The following MEF2A variants were observed in gnomAD, a reference collection of about 807,000 sequenced individuals.
MEF2A encodes myocyte enhancer factor 2A.
In MEF2A, 28 loss-of-function variants were observed where a neutral mutation model predicts 55.8. The ratio of observed to expected loss-of-function variants is 0.50; its 90% confidence interval spans 0.37 to 0.69. The LOEUF (loss-of-function observed/expected upper bound fraction) is 0.69, where lower values mean the gene tolerates loss of function less well. Among genes scored for constraint, MEF2A ranks in the 30% least tolerant of loss-of-function variants. The pLI is 0.00. For missense variants in MEF2A, 528 were observed against 626.2 expected, an observed-to-expected ratio of 0.84 and a Z score of 1.67; for synonymous variants, 239 against 227.1, an observed-to-expected ratio of 1.05 and a Z score of -0.47.
intron 1 of MEF2A, among the ~76,000 whole-genome samples, chr15:99,580,218 C>A (rs1425373076): frequency 6.6e-6 from 1 of 152,142 alleles, no homozygotes. Context: ...TTTGAGGGAT[C>A]AATGGCTGGG....
rs139315521 is a variant in MEF2A at position 99,597,856 on chromosome 15, TAGAC to T, written c.-224-571_-224-568del. On this transcript the variant is annotated intron_variant, in intron 1 of 11. Coordinates refer to ENST00000557942, the MANE Select transcript of MEF2A (RefSeq NM_001319206.4). ...AGTGTTCCTTTATTAATGTGAATCA[TAGAC>T]AGCCATCAGTCTTCTATTCATTTTT... 1.8e-3 allele frequency among the ~76,000 whole-genome samples: 274 copies of T among 152,326 alleles called. 5 individuals are homozygous for T. The East Asian group carries it at 0.029, about 16-fold the overall frequency.
At chr15:99,583,259 C>T (rs1966458937) in intron 1 of MEF2A, among the ~76,000 whole-genome samples, 1 of 152,124 alleles carries the variant, frequency 6.6e-6, no homozygotes, top group Non-Finnish European at 1.5e-5. Context: ...TTAGAGTTTG[C>T]ATTCCTCAAA....
At chr15:99,671,224 AAT>A in intron 4 of MEF2A, 97 bp from the exon 5 acceptor site, 1 of 1,321,906 alleles carries the variant, frequency 7.6e-7, no homozygotes, top group East Asian at 2.3e-5. Flanking sequence ...GCTCTTGTAT[AAT>A]TCAGTTCATT....
rs1567474743 is a variant in MEF2A, at chr15:99,697,350, A to AT, written c.859-6012_859-6011insT. On this transcript the variant is annotated intron_variant, in intron 8 of 11. Coordinates refer to ENST00000557942, the MANE Select transcript of MEF2A (RefSeq NM_001319206.4). ...TCATGTAGAAAAGTGTAAAGAAATT[A>AT]CAAAAAAAACTCCTCGGACCAATCA... Among the ~76,000 whole-genome samples, 60 of 152,144 alleles carry AT rather than the reference A, an allele frequency of 3.9e-4. No homozygotes were observed. In the East Asian group the frequency reaches 0.01, roughly 26 times the overall value.
Position 99,602,698 on chromosome 15 carries a change from G to GTGTA in MEF2A, c.-143+4188_-143+4189insGTAT, listed in dbSNP as rs1199857211. 3.1e-4 allele frequency among the ~76,000 whole-genome samples: 28 copies of GTGTA among 89,516 alleles called. 2 individuals carry two copies. The highest frequency in any genetic ancestry group is 1.4e-3 in the African/African-American group (28 of 20,098). 58.7% of individuals were successfully genotyped at this position (89,516 alleles called of 152,430 possible). A position where few individuals can be genotyped will look rare whatever the true frequency, so the allele number is the denominator to read the frequency against. The stretch of plus-strand genomic sequence containing the variant: ...TGTGTGTGTGTGTGTGTGTGTGTGT[G>GTGTA]TAGGGGTGGGGAGCTTTTTGTGTGT... On this transcript the variant is annotated intron_variant, in intron 2 of 11. Transcript: ENST00000557942.
intron 4 of MEF2A, among the ~76,000 whole-genome samples, chr15:99,653,006 C>A (rs542472815): frequency 1.3e-5 from 2 of 152,082 alleles, no homozygotes; most frequent in Admixed American, 1.3e-4. Context: ...ACTTCAATAT[C>A]GACTTAAGAC....
chr15:99,589,966 T>G (rs1968693038), intron 1 of MEF2A, among the ~76,000 whole-genome samples: 1 of 152,104 alleles, frequency 6.6e-6, no homozygotes, highest in African/African-American at 2.4e-5. Context: ...TTTTCATGTT[T>G]GTTCTTATGT....
Position 99,713,997 on chromosome 15 carries a change from T to A in MEF2A, c.*1226T>A, listed in dbSNP as rs558985505. 1 of 152,368 alleles carries A rather than the reference T, an allele frequency of 6.6e-6. No individual in the cohort carries two copies. Among genetic ancestry groups the A allele is most frequent in the South Asian group, 2.1e-4 (1 of 4,834 alleles). 9.4% of individuals were successfully genotyped at this position (152,368 alleles called of 1,614,324 possible). ...TATTAAGTATTCACTGTTTAATATT[T>A]ACTATTTTGTTAAATATACTGTACT... On this transcript the variant is annotated 3_prime_UTR_variant, in exon 12 of 12. Transcript: ENST00000557942.
chr15:99,612,706 T>TA (rs1280340846), intron 2 of MEF2A, among the ~76,000 whole-genome samples: 1 of 152,028 alleles, frequency 6.6e-6, no homozygotes, highest in Non-Finnish European at 1.5e-5. Flanking sequence ...ACCCTGTCTT[T>TA]AAAAAATAAA....
chr15:99,659,475 A>C (rs1200212078), intron 4 of MEF2A, among the ~76,000 whole-genome samples: 2 of 152,180 alleles, frequency 1.3e-5, no homozygotes, highest in Admixed American at 6.5e-5. Context: ...ACCACCACAT[A>C]CACAGTAAAC....
chr15:99,674,774 A>G lies in MEF2A; in HGVS notation c.610+162A>G, dbSNP rs923158181. ...TTTTAAAGTATTTTTTTGAAAATCA[A>G]TTGTGGGTGTAGCATTGTGTCATGC... On this transcript the variant is annotated intron_variant, in intron 6 of 11. Coordinates refer to ENST00000557942, the MANE Select transcript of MEF2A (RefSeq NM_001319206.4). Among the ~76,000 whole-genome samples the G allele has an allele frequency of 3.3e-5, 5 of 152,162 alleles. 1 individual carries two copies. The highest frequency in any genetic ancestry group is 4.1e-4 in the South Asian group (2 of 4,826).
intron 4 of MEF2A, among the ~76,000 whole-genome samples, chr15:99,667,736 C>G (rs1382165585): frequency 6.6e-6 from 1 of 151,888 alleles, no homozygotes; most frequent in African/African-American, 2.4e-5. Context: ...GTTGAACTTC[C>G]ACCAGGCGGG....
intron 2 of MEF2A, among the ~76,000 whole-genome samples, chr15:99,620,561 A>T (rs532403463): frequency 6.6e-6 from 1 of 152,340 alleles, no homozygotes; most frequent in Non-Finnish European, 1.5e-5. Context: ...GTGTATATGC[A>T]TCACGTTTTC....
intron 7 of MEF2A, among the ~76,000 whole-genome samples, chr15:99,685,590 A>G (rs2054069061): frequency 6.6e-6 from 1 of 152,082 alleles, no homozygotes; most frequent in Non-Finnish European, 1.5e-5. Context: ...TTACTTTAAG[A>G]TATGCCCCTT....
intron 7 of MEF2A, among the ~76,000 whole-genome samples, chr15:99,684,675 T>C (rs898135551): frequency 6.6e-6 from 1 of 152,218 alleles, no homozygotes; most frequent in Non-Finnish European, 1.5e-5. Flanking sequence ...TTATTTCTTT[T>C]GCTGTGCAGA....
At chr15:99,681,222 G>A (rs932986697) in intron 7 of MEF2A, among the ~76,000 whole-genome samples, 14 of 152,170 alleles carry the variant, frequency 9.2e-5, no homozygotes, top group Non-Finnish European at 1.6e-4. Context: ...GAATTATTTG[G>A]GGTTAAATGA....
At chr15:99,588,230 C>T (rs2581465) in intron 1 of MEF2A, among the ~76,000 whole-genome samples, 33,194 of 152,006 alleles carry the variant, frequency 0.22, 4,249 homozygotes, top group South Asian at 0.33. Flanking sequence ...AATCCTCCTG[C>T]CTCAGCCTCC....
At chr15:99,655,826 T>C (rs1405890050) in intron 4 of MEF2A, among the ~76,000 whole-genome samples, 1 of 152,068 alleles carries the variant, frequency 6.6e-6, no homozygotes, top group Non-Finnish European at 1.5e-5. Context: ...GAGAGAGAAT[T>C]GACCTAATAA....
intron 5 of MEF2A, among the ~76,000 whole-genome samples, chr15:99,674,137 T>G (rs1167642628): frequency 6.6e-6 from 1 of 152,190 alleles, no homozygotes; most frequent in Admixed American, 6.5e-5. Context: ...TTTGTCTTTA[T>G]GAATATTTGA....
Sources: gnomAD v4.1 joint callset for allele counts (sites outside exome capture counted in the v4.1 genomes callset) on GRCh38, gnomAD v4.1.1 for gene constraint, MANE v1.5 for transcripts, NCBI Gene and HGNC (gene_info 2026-07-23, HGNC 2026-07-21) for gene names.